KCNQ1: variants seen among roughly 807,000 people sequenced by gnomAD.
KCNQ1 encodes the protein potassium voltage-gated channel subfamily KQT member 1.
A neutral mutation model predicts 72.4 loss-of-function variants in KCNQ1; 49 were observed. The ratio of observed to expected loss-of-function variants is 0.68; its 90% CI spans 0.54 to 0.86. The LOEUF (loss-of-function observed/expected upper bound fraction) is 0.86, where lower values mean the gene tolerates loss of function less well. Ranked by LOEUF, KCNQ1 falls within the 40% of genes least tolerant of loss-of-function variation. The pLI is 0.00. For synonymous variants in KCNQ1, 450 were observed against 412.6 expected (o/e 1.09, Z -1.10); for missense variants, 790 against 945.1 (o/e 0.84, Z 2.15).
At chr11:2,634,624 G>C (rs1293350532) in intron 10 of KCNQ1, 1 of 152,098 alleles carries the variant, frequency 6.6e-6, no homozygotes, top group African/African-American at 2.4e-5. Context: ...ATCGTGAATA[G>C]TGCTGCAATA....
At chr11:2,835,082 G>GC (rs893678389) in intron 15 of KCNQ1, among the ~76,000 whole-genome samples, 2 of 152,134 alleles carry the variant, frequency 1.3e-5, no homozygotes, top group African/African-American at 2.4e-5. Context: ...CTGGGTGCAG[G>GC]CCCGGGGGCT....
In KCNQ1 at chr11:2,562,843, G is replaced by A. The variant is rs1303244257; in HGVS notation, c.478-7785G>A. On this transcript the variant is annotated intron_variant, in intron 2 of 15. Transcript: ENST00000155840. The surrounding 1 kb of genome is among the most constrained non-coding windows in gnomAD (Gnocchi z 7.5). ...CCACAAAGCTCAGCTCTGATCCTTC[G>A]TATTTAATCTTCATCTTCCGCCGTC... Among the ~76,000 whole-genome samples the A allele has an allele frequency of 2.0e-5, 3 of 152,112 alleles. No individual in the cohort carries two copies. The highest frequency in any genetic ancestry group is 4.4e-5 in the Non-Finnish European group (3 of 68,020).
rs1046947839 is a variant in KCNQ1 at position 2,683,351 on chromosome 11, C to T, written c.1514+21270C>T. ...CCCGCTCAACACTAGGCCACTGTGCCTGCCACTGCTGTCTGCAAATGCAGG... is the reference window on the plus strand; with the variant it reads ...CCCGCTCAACACTAGGCCACTGTGCTTGCCACTGCTGTCTGCAAATGCAGG... On this transcript the variant is annotated intron_variant, in intron 11 of 15. Coordinates refer to ENST00000155840, the MANE Select transcript of KCNQ1 (RefSeq NM_000218.3). The surrounding 1 kb of genome is among the most constrained non-coding windows in gnomAD (Gnocchi z 4.7). 4.3e-5 allele frequency: 17 copies of T among 398,510 alleles called. No homozygotes were observed. The highest frequency in any genetic ancestry group is 7.1e-5 in the Non-Finnish European group (16 of 226,068). 24.7% of individuals were successfully genotyped at this position (398,510 alleles called of 1,614,324 possible). A position where few individuals can be genotyped will look rare whatever the true frequency, so the allele number is the denominator to read the frequency against.
intron 1 of KCNQ1, among the ~76,000 whole-genome samples, chr11:2,489,943 G>T (rs1205024490): frequency 1.3e-5 from 2 of 152,138 alleles, no homozygotes; most frequent in Admixed American, 1.3e-4. Flanking sequence ...TGACCACAGT[G>T]GGGTAGAGCA....
Position 2,690,705 on chromosome 11 carries a change from C to G in KCNQ1, c.1514+28624C>G. The G allele has an allele frequency of 2.5e-6, 1 of 398,672 alleles. No homozygotes were observed. The highest frequency in any genetic ancestry group is 3.6e-5 in the East Asian group (1 of 28,078). The allele number at this position is 398,672 out of a possible 1,614,324, so 24.7% of individuals were successfully genotyped here. ...GGCTGTCTCTCAGAATTCCTGAGGGCTTTCCATTTGATCCCAGTGGTTGAA... is the reference window on the plus strand; with the variant it reads ...GGCTGTCTCTCAGAATTCCTGAGGGGTTTCCATTTGATCCCAGTGGTTGAA... On this transcript the variant is annotated intron_variant, in intron 11 of 15. Coordinates refer to ENST00000155840, the MANE Select transcript of KCNQ1 (RefSeq NM_000218.3). The surrounding 1 kb of genome is among the most constrained non-coding windows in gnomAD (Gnocchi z 5.1).
rs927802375 is a variant in KCNQ1 at position 2,462,221 on chromosome 11, A to C, written c.386+16737A>C. On this transcript the variant is annotated intron_variant, in intron 1 of 15. Transcript: ENST00000155840. The surrounding 1 kb of genome is among the most constrained non-coding windows in gnomAD (Gnocchi z 8.2). ...ATTGGTGGGTGCTGGGTGGGTCTTC[A>C]TGGCTGTTCTTGGGGCTGCCAGGCC... Among the ~76,000 whole-genome samples the C allele has an allele frequency of 2.6e-5, 4 of 152,096 alleles. No individual in the cohort carries two copies. The highest frequency in any genetic ancestry group is 9.7e-5 in the African/African-American group (4 of 41,412).
chr11:2,719,333 A>G (rs1851163703), intron 11 of KCNQ1, among the ~76,000 whole-genome samples: 1 of 149,796 alleles, frequency 6.7e-6, no homozygotes, highest in African/African-American at 2.4e-5. Context: ...GTCTCTACCA[A>G]AAAAAAAAAA....
rs1193547891 is a variant in KCNQ1 at position 2,734,346 on chromosome 11, AG to A, written c.1515-34495del. ...TTCCGTGAGGTGGCGGGGAGCACCAAGGGTAGAGGCAGGGGAGCAATGGATG... is the reference window on the plus strand; with the variant it reads ...TTCCGTGAGGTGGCGGGGAGCACCAAGGTAGAGGCAGGGGAGCAATGGATG... On this transcript the variant is annotated intron_variant, in intron 11 of 15. Coordinates refer to ENST00000155840, the MANE Select transcript of KCNQ1 (RefSeq NM_000218.3). The surrounding 1 kb of genome is among the most constrained non-coding windows in gnomAD (Gnocchi z 7.0). Among the ~76,000 whole-genome samples the A allele has an allele frequency of 1.3e-5, 2 of 152,216 alleles. No individual in the cohort carries two copies. Among genetic ancestry groups the A allele is most frequent in the Non-Finnish European group, 2.9e-5 (2 of 68,036 alleles).
At chr11:2,634,498 G>A (rs1849422244) in intron 10 of KCNQ1, 1 of 153,470 alleles carries the variant, frequency 6.5e-6, no homozygotes, top group Non-Finnish European at 1.4e-5. Flanking sequence ...TCCCTACAAA[G>A]GACGTGAACT....
At chr11:2,773,730 G>A (rs930404431) in intron 12 of KCNQ1, among the ~76,000 whole-genome samples, 15 of 109,430 alleles carry the variant, frequency 1.4e-4, no homozygotes, top group Non-Finnish European at 2.9e-4. Flanking sequence ...TCTTCCAAAA[G>A]GGAGGATCAG....
intron 11 of KCNQ1, among the ~76,000 whole-genome samples, chr11:2,717,314 G>A (rs138744097): frequency 6.6e-6 from 1 of 152,168 alleles, no homozygotes; most frequent in Non-Finnish European, 1.5e-5. Context: ...CCCAGAGTGA[G>A]AGCCTCGACA....
chr11:2,777,353 G>A (rs1041477301), intron 14 of KCNQ1, among the ~76,000 whole-genome samples: 1 of 143,674 alleles, frequency 7.0e-6, no homozygotes. Flanking sequence ...CTGGGGTGGG[G>A]TTTGGGTGGG....
chr11:2,760,594 G>A (rs179784), intron 11 of KCNQ1, among the ~76,000 whole-genome samples: 76,966 of 151,890 alleles, frequency 0.51, 19,896 homozygotes, highest in African/African-American at 0.6. Flanking sequence ...AGGAAGCCAC[G>A]GGCCTGGAGG....
rs1846689431 is a variant in KCNQ1 at position 2,483,670 on chromosome 11, G to C, written c.386+38186G>C. 6.6e-6 allele frequency among the ~76,000 whole-genome samples: 1 copy of C among 152,138 alleles called. No homozygotes were observed. The highest frequency in any genetic ancestry group is 6.5e-5 in the Admixed American group (1 of 15,276). On this transcript the variant is annotated intron_variant, in intron 1 of 15. Transcript: ENST00000155840. This position sits in a 1 kb window ranked among gnomAD's most constrained non-coding sequence, Gnocchi z 6.1. ...ATTCTCTGATATGCTCTCATGATTAGATCAAGATTGTGCATTTTTGGCAAG... is the reference window on the plus strand; with the variant it reads ...ATTCTCTGATATGCTCTCATGATTACATCAAGATTGTGCATTTTTGGCAAG...
At position 2,544,964 on chromosome 11, in the gene KCNQ1, G is replaced by A. The variant is rs1847885211; in HGVS notation, c.477+16946G>A. Among the ~76,000 whole-genome samples the A allele has an allele frequency of 1.3e-5, 2 of 152,198 alleles. No homozygotes were observed. Among genetic ancestry groups the A allele is most frequent in the Admixed American group, 6.5e-5 (1 of 15,276 alleles). ...GATGTCTTTACCAGGTTAAGGAAAC[G>A]TCCCCTCTAATACTATAGCTGAGAG... On this transcript the variant is annotated intron_variant, in intron 2 of 15. Transcript: ENST00000155840. The surrounding 1 kb of genome is among the most constrained non-coding windows in gnomAD (Gnocchi z 4.4).
intron 1 of KCNQ1, among the ~76,000 whole-genome samples, chr11:2,467,923 G>C (rs1299817747): frequency 1.3e-5 from 2 of 152,208 alleles, no homozygotes; most frequent in Admixed American, 1.3e-4. Context: ...ACCTGGTTAG[G>C]GACAGGGCAG....
At chr11:2,637,001 A>T (rs1275699993) in intron 10 of KCNQ1, 1 of 152,128 alleles carries the variant, frequency 6.6e-6, no homozygotes, top group Non-Finnish European at 1.5e-5. Flanking sequence ...CTCTGATGGT[A>T]GTTTGTATTT....
In KCNQ1 at chr11:2,785,831, T is replaced by C. The variant is rs991984182; in HGVS notation, c.1794+7794T>C. ...TCCTTGGAAAGGTTAACCTAGAACA[T>C]TTTAAATGAATATATATCAGAAGTA... On this transcript the variant is annotated intron_variant, in intron 15 of 15. Transcript: ENST00000155840. This position sits in a 1 kb window ranked among gnomAD's most constrained non-coding sequence, Gnocchi z 4.4. Among the ~76,000 whole-genome samples the C allele has an allele frequency of 6.6e-6, 1 of 152,078 alleles. No individual in the cohort carries two copies. The highest frequency in any genetic ancestry group is 1.5e-5 in the Non-Finnish European group (1 of 67,910).
chr11:2,644,288 A>T (rs1849630577), intron 10 of KCNQ1: 2 of 397,946 alleles, frequency 5.0e-6, no homozygotes, highest in African/African-American at 4.1e-5. Flanking sequence ...TTTTTTCTAT[A>T]TTTTTGTCTG....
Sources: allele counts gnomAD v4.1 joint callset (sites outside exome capture counted in the v4.1 genomes callset), GRCh38; gene constraint gnomAD v4.1.1; non-coding constraint Gnocchi (gnomAD v3.1); transcripts MANE v1.5; gene names NCBI Gene and HGNC (gene_info 2026-07-23, HGNC 2026-07-21).